Variants in SEPTIN7 observed in about 807,000 individuals in gnomAD.
SEPTIN7 encodes the protein septin 7.
In SEPTIN7, 10 loss-of-function variants were observed where a neutral mutation model predicts 63.3. The ratio of observed to expected loss-of-function variants is 0.16; its 90% CI spans 0.10 to 0.27. The LOEUF is 0.27. Among genes scored for constraint, SEPTIN7 ranks in the 10% least tolerant of loss-of-function variants. The pLI, the probability that SEPTIN7 is intolerant of heterozygous loss-of-function variation, is 1.00. For missense variants in SEPTIN7, 310 were observed against 521.0 expected, an observed-to-expected ratio of 0.59 and a Z score of 3.94; for synonymous variants, 131 against 165.3, an observed-to-expected ratio of 0.79 and a Z score of 1.59.
chr7:35,848,472 A>G (rs1047739851), intron 3 of SEPTIN7, among the ~76,000 whole-genome samples: 2 of 151,986 alleles, frequency 1.3e-5, no homozygotes, highest in African/African-American at 2.4e-5. Flanking sequence ...GGGTTTCAGC[A>G]TGTTAGCCAG....
At chr7:35,878,847 C>T (rs2715603) in intron 6 of SEPTIN7, among the ~76,000 whole-genome samples, 152,278 of 152,288 alleles carry the variant, frequency 1, 76,134 homozygotes, top group Middle Eastern at 1. Flanking sequence ...AGCATATCCA[C>T]TGGGTAAACA....
the SEPTIN7 span, among the ~76,000 whole-genome samples, chr7:35,915,586 T>A: frequency 6.6e-6 from 1 of 152,240 alleles, no homozygotes; most frequent in African/African-American, 2.4e-5. Flanking sequence ...TTTTCATCTC[T>A]GCATGGTTCC....
At chr7:35,820,869 G>C (rs561225356) in intron 1 of SEPTIN7, among the ~76,000 whole-genome samples, 19 of 152,108 alleles carry the variant, frequency 1.2e-4, no homozygotes, top group Admixed American at 3.9e-4. Flanking sequence ...AGGGTTTATT[G>C]TTGTTGCTTT....
chr7:35,804,960 C>T (rs1788238495), intron 1 of SEPTIN7, among the ~76,000 whole-genome samples: 2 of 151,654 alleles, frequency 1.3e-5, no homozygotes. Context: ...CCTGTCTCAG[C>T]CTCGCGAGTA....
At chr7:35,902,478 A>G (rs553350218) in intron 12 of SEPTIN7, 4 of 152,322 alleles carry the variant, frequency 2.6e-5, no homozygotes, top group East Asian at 1.9e-4. Context: ...CCAGGATTCT[A>G]TATTTTTAAC....
intron 3 of SEPTIN7, among the ~76,000 whole-genome samples, chr7:35,834,890 C>G (rs1467422160): frequency 6.6e-6 from 1 of 152,150 alleles, no homozygotes; most frequent in Non-Finnish European, 1.5e-5. Flanking sequence ...GATCTAAACT[C>G]AGAATAAATT....
intron 1 of SEPTIN7, among the ~76,000 whole-genome samples, chr7:35,814,621 G>GT (rs1443360304): frequency 5.3e-5 from 8 of 152,016 alleles, no homozygotes; most frequent in African/African-American, 1.9e-4. Flanking sequence ...TGCTGTTTGT[G>GT]TTACTGGTGA....
At chr7:35,837,512 A>G (rs1266488579) in intron 3 of SEPTIN7, among the ~76,000 whole-genome samples, 1 of 152,182 alleles carries the variant, frequency 6.6e-6, no homozygotes, top group Admixed American at 6.5e-5. Context: ...TCTTAGAATA[A>G]TAAAGCTTTG....
At position 35,880,227 on chromosome 7, in the gene SEPTIN7, T is replaced by C. The variant is rs1343014927; in HGVS notation, c.630+287T>C. Among the ~76,000 whole-genome samples, 8 of 144,408 alleles carry C rather than the reference T, an allele frequency of 5.5e-5. No homozygotes were observed. In the East Asian group the frequency reaches 1.2e-3, roughly 22 times the overall value. The allele number at this position is 144,408 out of a possible 152,430, so 94.7% of individuals were successfully genotyped here. Reference sequence around the variant, plus strand: ...TCTTTTCTTTTTTTTTCTTTTCTTTTTTTTTTTTTTTTTTTTGAATTATTT... The same window carrying C: ...TCTTTTCTTTTTTTTTCTTTTCTTTCTTTTTTTTTTTTTTTTGAATTATTT... On this transcript the variant is annotated intron_variant, in intron 7 of 13. Coordinates refer to ENST00000350320, the MANE Select transcript of SEPTIN7 (RefSeq NM_001788.6).
chr7:35,843,846 C>T (rs577636725), intron 3 of SEPTIN7, among the ~76,000 whole-genome samples: 4 of 152,092 alleles, frequency 2.6e-5, no homozygotes, highest in Non-Finnish European at 4.4e-5. Context: ...TCTTGTACTG[C>T]CCAGAACCCT....
At chr7:35,834,032 A>G (rs1262025325) in intron 3 of SEPTIN7, among the ~76,000 whole-genome samples, 1 of 152,038 alleles carries the variant, frequency 6.6e-6, no homozygotes, top group Non-Finnish European at 1.5e-5. Flanking sequence ...AGTATGGTAT[A>G]TCTAGCTTGC....
At chr7:35,831,397 T>C (rs1207416826) in intron 1 of SEPTIN7, 95 bp from the exon 2 acceptor site, 9 of 381,460 alleles carry the variant, frequency 2.4e-5, no homozygotes, top group Admixed American at 3.5e-5. Flanking sequence ...AATATGTCAT[T>C]ACAATTCTTG....
At chr7:35,834,452 G>T (rs906735765) in intron 3 of SEPTIN7, among the ~76,000 whole-genome samples, 2 of 151,936 alleles carry the variant, frequency 1.3e-5, no homozygotes, top group Non-Finnish European at 1.5e-5. Context: ...GTCTCTAGAT[G>T]TATATTACTT....
At chr7:35,915,060 C>G in the SEPTIN7 span, among the ~76,000 whole-genome samples, 1 of 151,254 alleles carries the variant, frequency 6.6e-6, no homozygotes, top group African/African-American at 2.4e-5. Flanking sequence ...TGTATATATA[C>G]ACAGATGCAT....
Position 35,873,391 on chromosome 7 carries a change from G to A in SEPTIN7, c.378-250G>A, listed in dbSNP as rs149070019. Among the ~76,000 whole-genome samples the A allele has an allele frequency of 8.5e-3, 1,286 of 151,960 alleles. 15 individuals carry two copies. The highest frequency in any genetic ancestry group is 0.03 in the African/African-American group (1,254 of 41,430). ...AAGTGTGTTATTAATACACTTATTA[G>A]TGCAAATAATATGCTAATATTTAGC... On this transcript the variant is annotated intron_variant, in intron 5 of 13. Coordinates refer to ENST00000350320, the MANE Select transcript of SEPTIN7 (RefSeq NM_001788.6).
At chr7:35,862,729 C>T (rs1785577565) in intron 3 of SEPTIN7, among the ~76,000 whole-genome samples, 1 of 152,072 alleles carries the variant, frequency 6.6e-6, no homozygotes, top group African/African-American at 2.4e-5. Context: ...GCCTATTATT[C>T]TAAGTGAATT....
chr7:35,810,571 C>T (rs1419578937), intron 1 of SEPTIN7, among the ~76,000 whole-genome samples: 2 of 152,168 alleles, frequency 1.3e-5, no homozygotes, highest in Non-Finnish European at 2.9e-5. Flanking sequence ...GATCCGCCCG[C>T]CTTGGCCTCC....
intron 3 of SEPTIN7, among the ~76,000 whole-genome samples, chr7:35,854,392 C>A (rs993240060): frequency 2.6e-5 from 4 of 152,224 alleles, no homozygotes; most frequent in Admixed American, 2.6e-4. Flanking sequence ...GGACATCTCT[C>A]AACGTCTGGA....
chr7:35,823,905 G>A lies in SEPTIN7; in HGVS notation c.62-7587G>A, dbSNP rs1448268243. 4.0e-5 allele frequency among the ~76,000 whole-genome samples: 6 copies of A among 151,766 alleles called. No homozygotes were observed. The East Asian group carries it at 9.7e-4, about 24-fold the overall frequency. On this transcript the variant is annotated intron_variant, in intron 1 of 13. Coordinates refer to ENST00000350320, the MANE Select transcript of SEPTIN7 (RefSeq NM_001788.6). ...AAGTTGTTTTATATCTGGTACTTAGGGAAAATCCTGTCCTTCATTCCATAA... is the reference window on the plus strand; with the variant it reads ...AAGTTGTTTTATATCTGGTACTTAGAGAAAATCCTGTCCTTCATTCCATAA...
Sources: gnomAD v4.1 joint callset for allele counts (sites outside exome capture counted in the v4.1 genomes callset) on GRCh38, gnomAD v4.1.1 for gene constraint, MANE v1.5 for transcripts, NCBI Gene and HGNC (gene_info 2026-07-23, HGNC 2026-07-21) for gene names.